SESTD1: variants seen among roughly 807,000 people sequenced by gnomAD.
SESTD1 encodes the protein SEC14 domain and spectrin repeat-containing protein 1.
A neutral mutation model predicts 101.7 loss-of-function variants in SESTD1; 43 were observed. The observed-to-expected ratio is 0.42, with a 90% CI of 0.33 to 0.55. SESTD1 has a LOEUF of 0.55. SESTD1 is among the 20% of genes least tolerant of loss of function. SESTD1 has a pLI of 0.07. For synonymous variants in SESTD1, 283 were observed against 286.8 expected (o/e 0.99, Z 0.13); for missense variants, 647 against 815.1 (o/e 0.79, Z 2.51).
intron 3 of SESTD1, among the ~76,000 whole-genome samples, chr2:179,178,657 G>T (rs537628644): frequency 1.2e-4 from 19 of 152,168 alleles, no homozygotes; most frequent in Middle Eastern, 3.4e-3. Flanking sequence ...GAGCGGTCTG[G>T]AGTAGTGGCA....
At chr2:179,261,042 C>T (rs1186731409) in intron 1 of SESTD1, among the ~76,000 whole-genome samples, 2 of 152,116 alleles carry the variant, frequency 1.3e-5, no homozygotes, top group African/African-American at 2.4e-5. Context: ...TATATATATA[C>T]ACATACATAC....
intron 1 of SESTD1, among the ~76,000 whole-genome samples, chr2:179,225,158 G>A (rs1461781483): frequency 6.6e-6 from 1 of 152,126 alleles, no homozygotes; most frequent in Non-Finnish European, 1.5e-5. Context: ...TACCCAGTTG[G>A]TGTCAGCTGG....
chr2:179,233,975 A>G (rs918426133), intron 1 of SESTD1, among the ~76,000 whole-genome samples: 1 of 152,176 alleles, frequency 6.6e-6, no homozygotes, highest in African/African-American at 2.4e-5. Context: ...GTGTCCAGGT[A>G]TTTGGTTAAA....
At chr2:179,171,364 A>C (rs2045927605) in intron 5 of SESTD1, among the ~76,000 whole-genome samples, 1 of 152,210 alleles carries the variant, frequency 6.6e-6, no homozygotes, top group African/African-American at 2.4e-5. Flanking sequence ...AAATACACTG[A>C]TATTGACCTC....
intron 5 of SESTD1, among the ~76,000 whole-genome samples, chr2:179,167,541 A>G (rs181350061): frequency 6.6e-6 from 1 of 152,338 alleles, no homozygotes; most frequent in East Asian, 1.9e-4. Flanking sequence ...GAGAACACTA[A>G]GTGGAATAAA....
intron 11 of SESTD1, 113 bp downstream of exon 11, chr2:179,124,251 A>G (rs1405450648): frequency 9.9e-7 from 1 of 1,006,278 alleles, no homozygotes; most frequent in Non-Finnish European, 1.4e-6. Flanking sequence ...CCAGTAATTC[A>G]TTTTATTGGT....
chr2:179,207,367 G>A (rs1234277274), intron 1 of SESTD1, among the ~76,000 whole-genome samples: 1 of 135,066 alleles, frequency 7.4e-6, no homozygotes, highest in Non-Finnish European at 1.6e-5. Context: ...CAACACTCTG[G>A]CTAAACCGAG....
At chr2:179,122,681 G>C (rs1388901074) in intron 12 of SESTD1, among the ~76,000 whole-genome samples, 5 of 152,208 alleles carry the variant, frequency 3.3e-5, no homozygotes, top group Admixed American at 2.6e-4. Context: ...CCAGAGGTCA[G>C]GAGCTCGAGA....
At chr2:179,155,624 A>C (rs1418430755) in intron 5 of SESTD1, among the ~76,000 whole-genome samples, 1 of 152,072 alleles carries the variant, frequency 6.6e-6, no homozygotes, top group Non-Finnish European at 1.5e-5. Flanking sequence ...TCAAAAAAAA[A>C]ACAAAACGTA....
rs1209073729 is a variant in SESTD1 at position 179,213,066 on chromosome 2, T to G, written c.-25-21200A>C. ...GAACCAGAGCAGAAAAGCTGAAAAT[T>G]CTAAAAACCAGATCACCTCTTCTCC... On this transcript the variant is annotated intron_variant, in intron 1 of 17. Transcript: ENST00000428443. 2.2e-5 allele frequency among the ~76,000 whole-genome samples: 3 copies of G among 134,194 alleles called. 1 individual carries two copies. The highest frequency in any genetic ancestry group is 8.9e-5 in the African/African-American group (3 of 33,770). 88.0% of individuals were successfully genotyped at this position (134,194 alleles called of 152,430 possible). A position where few individuals can be genotyped will look rare whatever the true frequency, so the allele number is the denominator to read the frequency against.
intron 1 of SESTD1, among the ~76,000 whole-genome samples, chr2:179,244,800 TG>T (rs767958143): frequency 1.6e-4 from 24 of 152,212 alleles, no homozygotes; most frequent in Non-Finnish European, 4.4e-5. Flanking sequence ...GTCTAAATTA[TG>T]TTTGACACCT....
chr2:179,182,638 T>C (rs920458100), intron 3 of SESTD1, among the ~76,000 whole-genome samples: 1 of 151,954 alleles, frequency 6.6e-6, no homozygotes, highest in African/African-American at 2.4e-5. Context: ...TAGATTAAAA[T>C]ATAAACAAAC....
intron 9 of SESTD1, among the ~76,000 whole-genome samples, chr2:179,136,452 G>C (rs1213995006): frequency 6.6e-6 from 1 of 152,128 alleles, no homozygotes; most frequent in Non-Finnish European, 1.5e-5. Flanking sequence ...TAAAAAGAAC[G>C]AGTTTTAAGG....
At chr2:179,172,098 T>C (rs1053272132) in intron 5 of SESTD1, 22 bp downstream of exon 5, 8 of 1,455,360 alleles carry the variant, frequency 5.5e-6, no homozygotes, top group Admixed American at 3.5e-5. Flanking sequence ...TAATGGACTT[T>C]AAAAAAAGAG....
chr2:179,196,051 C>T (rs1002682329), intron 1 of SESTD1, among the ~76,000 whole-genome samples: 1 of 152,158 alleles, frequency 6.6e-6, no homozygotes, highest in East Asian at 1.9e-4. Context: ...GTACCGGGTT[C>T]ATCTCACCAG....
intron 2 of SESTD1, among the ~76,000 whole-genome samples, chr2:179,186,520 A>G (rs1370718421): frequency 6.6e-6 from 1 of 152,172 alleles, no homozygotes; most frequent in Non-Finnish European, 1.5e-5. Context: ...GTTATCATAA[A>G]AACTAATTAT....
chr2:179,155,205 C>T lies in SESTD1; in HGVS notation c.370-3814G>A, dbSNP rs1318789555. Among the ~76,000 whole-genome samples the T allele has an allele frequency of 7.2e-5, 11 of 152,126 alleles. No individual in the cohort carries two copies. In the East Asian group the frequency reaches 1.4e-3, roughly 19 times the overall value. ...TGCTAGGATTACAGGTGTGAGCCAT[C>T]GCATCCGGCCCACAACTCTTTTTTT... On this transcript the variant is annotated intron_variant, in intron 5 of 17. Transcript: ENST00000428443.
At position 179,146,468 on chromosome 2, in the gene SESTD1, C is replaced by A. The variant is rs745439389; in HGVS notation, c.582-11G>T. The stretch of plus-strand genomic sequence containing the variant: ...TTTAAATCCACAGACCTGGAAAACA[C>A]CAAAGGAGTAATTTTCAAAAGGCAT... On this transcript the variant is annotated splice_polypyrimidine_tract_variant and intron_variant, in intron 7 of 17. Transcript: ENST00000428443. 3 of 1,608,182 alleles carry A rather than the reference C, an allele frequency of 1.9e-6. No homozygotes were observed. In the South Asian group the frequency reaches 3.3e-5, roughly 18 times the overall value.
chr2:179,220,830 G>C (rs901648219), intron 1 of SESTD1, among the ~76,000 whole-genome samples: 2 of 151,994 alleles, frequency 1.3e-5, no homozygotes, highest in Non-Finnish European at 2.9e-5. Context: ...CTTCCTCCTA[G>C]AAAGAAGTGT....
Sources: allele counts gnomAD v4.1 joint callset (sites outside exome capture counted in the v4.1 genomes callset), GRCh38; gene constraint gnomAD v4.1.1; transcripts MANE v1.5; gene names NCBI Gene and HGNC (gene_info 2026-07-23, HGNC 2026-07-21).